The following HNRNPH3 variants were observed in gnomAD, a reference collection of about 807,000 sequenced individuals.
HNRNPH3 encodes heterogeneous nuclear ribonucleoprotein 2H9.
HNRNPH3 carries 7 observed loss-of-function variants against 47.0 expected under a neutral mutation model. That is an observed-to-expected ratio of 0.15 (90% CI 0.08 to 0.28). The LOEUF (loss-of-function observed/expected upper bound fraction) is 0.28. Ranked by LOEUF, HNRNPH3 falls within the 10% of genes least tolerant of loss-of-function variation. HNRNPH3 has a pLI of 1.00. For missense variants in HNRNPH3, 279 were observed against 449.6 expected (o/e 0.62, Z 3.43); for synonymous variants, 120 against 143.2 (o/e 0.84, Z 1.16).
rs1312841242 is a variant in HNRNPH3, at chr10:68,342,294, T to C, written c.*240T>C. ...AAACCACTGATGTTGATACTTTTTA[T>C]ATACTAGTTACTCCTAAAGATGTGC... On this transcript the variant is annotated 3_prime_UTR_variant, in exon 10 of 10. Coordinates refer to ENST00000265866, the MANE Select transcript of HNRNPH3 (RefSeq NM_012207.3). The C allele has an allele frequency of 4.8e-6, 2 of 415,212 alleles. No individual in the cohort carries two copies. Among genetic ancestry groups the C allele is most frequent in the Non-Finnish European group, 8.6e-6 (2 of 232,344 alleles). 25.7% of individuals were successfully genotyped at this position (415,212 alleles called of 1,614,324 possible).
chr10:68,334,084 G>C (rs1281805211), intron 1 of HNRNPH3, among the ~76,000 whole-genome samples: 1 of 151,778 alleles, frequency 6.6e-6, no homozygotes, highest in African/African-American at 2.4e-5. Context: ...TAAACTGACT[G>C]AACTGCAGTA....
chr10:68,336,012 T>C (rs1456787808), intron 1 of HNRNPH3, among the ~76,000 whole-genome samples: 1 of 152,204 alleles, frequency 6.6e-6, no homozygotes, highest in Non-Finnish European at 1.5e-5. Flanking sequence ...CATTAGCTTA[T>C]TTTAAGTGCA....
intron 1 of HNRNPH3, chr10:68,336,888 T>G (rs892978874): frequency 9.4e-6 from 2 of 212,848 alleles, no homozygotes; most frequent in South Asian, 3.6e-4. Flanking sequence ...AAGGCTAGAG[T>G]TGGCATTCAG....
chr10:68,340,680 C>G (rs754750697), intron 6 of HNRNPH3, among the ~76,000 whole-genome samples: 7 of 152,194 alleles, frequency 4.6e-5, no homozygotes, highest in Non-Finnish European at 1.0e-4. Context: ...TAAAACCTGG[C>G]TAACTTGTGA....
chr10:68,341,866 T>C lies in HNRNPH3; in HGVS notation c.964+15T>C, dbSNP rs766815039. ...GGGTGGTTATGGTAAGTATCTCTAG[T>C]TCAGTTTGTGTTAGTCCGCATATGT... On this transcript the variant is annotated intron_variant, in intron 9 of 9. Coordinates refer to ENST00000265866, the MANE Select transcript of HNRNPH3 (RefSeq NM_012207.3). 6.2e-7 allele frequency: 1 copy of C among 1,604,332 alleles called. No homozygotes were observed. Among genetic ancestry groups the C allele is most frequent in the Admixed American group, 1.7e-5 (1 of 59,776 alleles).
intron 3 of HNRNPH3, 161 bp downstream of exon 3, chr10:68,338,157 A>C (rs978408538): frequency 7.6e-6 from 4 of 524,050 alleles, no homozygotes; most frequent in African/African-American, 7.6e-5. Context: ...TGGGTGGGGA[A>C]TTAATGCTAA....
At position 68,332,228 on chromosome 10, in the gene HNRNPH3, A is replaced by G. The variant is rs1453347737; in HGVS notation, c.-24+12A>G. 1 of 152,292 alleles carries G rather than the reference A, an allele frequency of 6.6e-6. No individual in the cohort carries two copies. The highest frequency in any genetic ancestry group is 1.5e-5 in the Non-Finnish European group (1 of 68,104). 9.4% of individuals were successfully genotyped at this position (152,292 alleles called of 1,614,324 possible). The stretch of plus-strand genomic sequence containing the variant: ...TATCGCCTGACAGGGTATCTGAAGT[A>G]AAAGGGGGTAGGTTGGGCTGGTGGT... On this transcript the variant is annotated intron_variant, in intron 1 of 9. Transcript: ENST00000265866.
intron 1 of HNRNPH3, among the ~76,000 whole-genome samples, chr10:68,334,447 A>G (rs1040657781): frequency 8.5e-5 from 13 of 152,252 alleles, no homozygotes; most frequent in Admixed American, 4.6e-4. Context: ...CGTAAACTTC[A>G]CCAATTTTAA....
Position 68,337,720 on chromosome 10 carries a change from T to G in HNRNPH3, c.113-138T>G. ...TATTTGAAAAAATCTTTCATTTGTA[T>G]TATGGGGTGATGGGAAACTAAGCTT... On this transcript the variant is annotated intron_variant, in intron 2 of 9. Coordinates refer to ENST00000265866, the MANE Select transcript of HNRNPH3 (RefSeq NM_012207.3). The surrounding 1 kb of genome is among the most constrained non-coding windows in gnomAD (Gnocchi z 4.5). 5.4e-6 allele frequency: 4 copies of G among 747,618 alleles called. No homozygotes were observed. Among genetic ancestry groups the G allele is most frequent in the Non-Finnish European group, 8.6e-6 (4 of 465,222 alleles). The allele number at this position is 747,618 out of a possible 1,614,324, so 46.3% of individuals were successfully genotyped here.
chr10:68,339,453 T>C lies in HNRNPH3; in HGVS notation c.537T>C (p.His179=), dbSNP rs2045726872. ...RMRDGRGMGG[H]GYGGAGDASS... is the part of the protein sequence containing the mutation. ...TGTGTTTTCCAGGTATGGGAGGACA[T>C]GGCTATGGTGGAGCTGGTGATGCAA... Residue 179 remains histidine (H), a synonymous_variant, in exon 6 of 10, where the codon CAT becomes CAC. Transcript: ENST00000265866. 1 of 1,613,844 alleles carries C rather than the reference T, an allele frequency of 6.2e-7. No individual in the cohort carries two copies. The highest frequency in any genetic ancestry group is 8.5e-7 in the Non-Finnish European group (1 of 1,179,728).
In HNRNPH3 at chr10:68,337,182, T is replaced by G. The variant is rs748116000; in HGVS notation, c.-23-17T>G. 8.2e-7 allele frequency: 1 copy of G among 1,220,222 alleles called. No individual in the cohort carries two copies. Among genetic ancestry groups the G allele is most frequent in the South Asian group, 1.2e-5 (1 of 81,772 alleles). 75.6% of individuals were successfully genotyped at this position (1,220,222 alleles called of 1,614,324 possible). A position where few individuals can be genotyped will look rare whatever the true frequency, so the allele number is the denominator to read the frequency against. On this transcript the variant is annotated splice_polypyrimidine_tract_variant and intron_variant, in intron 1 of 9. Transcript: ENST00000265866. This position sits in a 1 kb window ranked among gnomAD's most constrained non-coding sequence, Gnocchi z 4.5. The stretch of plus-strand genomic sequence containing the variant: ...TATTTTGATTGACTGCTCTATGTGC[T>G]TGTTTATTTTTTATAGCATTTAAAT...
chr10:68,337,671 C>CA lies in HNRNPH3; in HGVS notation c.113-181dup, dbSNP rs1299896634. On this transcript the variant is annotated intron_variant, in intron 2 of 9. Transcript: ENST00000265866. The surrounding 1 kb of genome is among the most constrained non-coding windows in gnomAD (Gnocchi z 4.5). The stretch of plus-strand genomic sequence containing the variant: ...TTACACAGTGTTTTTACACTGGTCG[C>CA]AAAAAATTTATTTAATCCAGTAATA... The CA allele has an allele frequency of 1.1e-5, 6 of 553,214 alleles. No homozygotes were observed. Among genetic ancestry groups the CA allele is most frequent in the Non-Finnish European group, 1.9e-5 (6 of 320,860 alleles). The allele number at this position is 553,214 out of a possible 1,614,324, so 34.3% of individuals were successfully genotyped here.
chr10:68,331,850 A>T (rs1404840359), upstream of HNRNPH3: 1 of 152,328 alleles, frequency 6.6e-6, no homozygotes, highest in Non-Finnish European at 1.5e-5. Context: ...TAAGCAAGAA[A>T]AACGGTGCGC....
intron 7 of HNRNPH3, 73 bp from the exon 8 acceptor site, chr10:68,341,512 T>C: frequency 8.7e-7 from 1 of 1,143,470 alleles, no homozygotes; most frequent in Non-Finnish European, 1.3e-6. Flanking sequence ...TTGATCTTTT[T>C]TACAAAGCTT....
chr10:68,335,672 C>T (rs1406221650), intron 1 of HNRNPH3, among the ~76,000 whole-genome samples: 1 of 152,114 alleles, frequency 6.6e-6, no homozygotes, highest in Non-Finnish European at 1.5e-5. Context: ...CTGGCTTTTG[C>T]AGGGCCCCTT....
At chr10:68,341,872 TTG>T in intron 9 of HNRNPH3, 21 bp downstream of exon 9, 13 of 1,599,964 alleles carry the variant, frequency 8.1e-6, no homozygotes, top group Non-Finnish European at 1.1e-5. Context: ...CTAGTTCAGT[TTG>T]TGTTAGTCCG....
Sources: allele counts gnomAD v4.1 joint callset (sites outside exome capture counted in the v4.1 genomes callset), GRCh38; gene constraint gnomAD v4.1.1; non-coding constraint Gnocchi (gnomAD v3.1); transcripts MANE v1.5; gene names NCBI Gene and HGNC (gene_info 2026-07-23, HGNC 2026-07-21).